The following KIAA1614 variants were observed in gnomAD, a reference collection of about 807,000 sequenced individuals.
KIAA1614 encodes uncharacterized protein KIAA1614.
In KIAA1614, 76 loss-of-function variants were observed where a neutral mutation model predicts 88.7. That is an observed-to-expected ratio of 0.86 (90% confidence interval 0.71 to 1.04). KIAA1614 has a LOEUF of 1.04. KIAA1614 is among the 50% of genes least tolerant of loss of function. The pLI is 0.00. For missense variants in KIAA1614, 1,553 were observed against 1,582.5 expected, an observed-to-expected ratio of 0.98 and a Z score of 0.32; for synonymous variants, 714 against 675.5, an observed-to-expected ratio of 1.06 and a Z score of -0.88.
At chr1:180,921,381 C>A (rs1653949712) in intron 3 of KIAA1614, among the ~76,000 whole-genome samples, 1 of 152,170 alleles carries the variant, frequency 6.6e-6, no homozygotes, top group African/African-American at 2.4e-5. Context: ...ACAGGGGATA[C>A]GATGGCTTAG....
Position 180,951,299 on chromosome 1 carries a change from C to T in KIAA1614, c.*5711C>T, listed in dbSNP as rs1357772449. ...GACCGGCCAGACCAGCCCCATGCCA[C>T]CCCGGCCGCTGCCTCTGCCCAGGTG... On this transcript the variant is annotated 3_prime_UTR_variant, in exon 9 of 9. Transcript: ENST00000367588. 1.3e-5 allele frequency: 2 copies of T among 152,370 alleles called. No individual in the cohort carries two copies. Among genetic ancestry groups the T allele is most frequent in the Admixed American group, 6.5e-5 (1 of 15,286 alleles). 9.4% of individuals were successfully genotyped at this position (152,370 alleles called of 1,614,324 possible).
chr1:180,931,971 G>T (rs1257625641), intron 4 of KIAA1614, among the ~76,000 whole-genome samples: 2 of 152,094 alleles, frequency 1.3e-5, no homozygotes, highest in East Asian at 1.9e-4. Flanking sequence ...TGTGCAGTGG[G>T]CTAGGCTGTT....
Position 180,948,909 on chromosome 1 carries a change from C to T in KIAA1614, c.*3321C>T, listed in dbSNP as rs767032799. The T allele has an allele frequency of 3.9e-5, 6 of 152,364 alleles. No individual in the cohort carries two copies. Among genetic ancestry groups the T allele is most frequent in the African/African-American group, 7.2e-5 (3 of 41,574 alleles). The allele number at this position is 152,364 out of a possible 1,614,324, so 9.4% of individuals were successfully genotyped here. A position where few individuals can be genotyped will look rare whatever the true frequency, so the allele number is the denominator to read the frequency against. On this transcript the variant is annotated 3_prime_UTR_variant, in exon 9 of 9. Coordinates refer to ENST00000367588, the MANE Select transcript of KIAA1614 (RefSeq NM_020950.2). The stretch of plus-strand genomic sequence containing the variant: ...CAGAGCCACAGACTTTCAGGTACTT[C>T]GGTGAAGATCAGTGCTCTTTCAAAC...
chr1:180,936,275 C>T lies in KIAA1614; in HGVS notation c.2366C>T (p.Ser789Phe). The T allele has an allele frequency of 6.2e-7, 1 of 1,614,190 alleles. No homozygotes were observed. The highest frequency in any genetic ancestry group is 8.5e-7 in the Non-Finnish European group (1 of 1,180,012). The change falls in exon 5 of 9, where the codon TCT becomes TTT. Residue 789 changes from serine to phenylalanine, a missense_variant. Physicochemically the swap from Ser to Phe is radical, Grantham distance 155. Transcript: ENST00000367588. Reference sequence around the variant, plus strand: ...CTGCAACAGAGCCATGCAGAGCCTTCTGCCCCACACCAAGCCTGGCAGCCA... The same window carrying T: ...CTGCAACAGAGCCATGCAGAGCCTTTTGCCCCACACCAAGCCTGGCAGCCA... ...SSLQQSHAEP[S>F]APHQAWQPTA...
At chr1:180,915,056 A>C (rs1380040106) in intron 1 of KIAA1614, among the ~76,000 whole-genome samples, 1 of 151,856 alleles carries the variant, frequency 6.6e-6, no homozygotes, top group African/African-American at 2.4e-5. Flanking sequence ...CACCCGCCTC[A>C]GCCTCCCAAA....
At position 180,930,592 on chromosome 1, in the gene KIAA1614, G is replaced by T. The variant is rs186965643; in HGVS notation, c.1205+2019G>T. Among the ~76,000 whole-genome samples the T allele has an allele frequency of 3.2e-3, 493 of 152,312 alleles. 2 individuals carry two copies. Among genetic ancestry groups the T allele is most frequent in the African/African-American group, 0.012 (479 of 41,564 alleles). On this transcript the variant is annotated intron_variant, in intron 4 of 8. Transcript: ENST00000367588. ...AATAGTCAAGACTATCTGCAAAACA[G>T]ATTGCATTGTGTAAAGGTCCTCTTG...
In KIAA1614 at chr1:180,941,126, A is replaced by G. The variant is rs201536429; in HGVS notation, c.3000A>G (p.Ile1000Met). ...LDQNKKRSSS[I>M]ASTLGLKKLF... ...AGAACAAGAAAAGGAGCAGCAGCAT[A>G]GCCTCCACCCTGGGGCTGAAAAAGC... is the stretch of plus-strand genomic sequence containing the variant. Residue 1000 changes from isoleucine (I) to methionine (M), a missense_variant, in exon 7 of 9, where the codon ATA becomes ATG. Physicochemically the swap from Ile to Met is conservative, Grantham distance 10. Transcript: ENST00000367588. 35 of 1,613,292 alleles carry G rather than the reference A, an allele frequency of 2.2e-5. No homozygotes were observed. The highest frequency in any genetic ancestry group is 2.9e-5 in the Non-Finnish European group (34 of 1,179,864).
rs1571296342 is a variant in KIAA1614 at position 180,935,394 on chromosome 1, C to T, written c.1485C>T (p.Ala495=). Residue 495 remains alanine, a synonymous_variant, in exon 5 of 9, where the codon GCC becomes GCT. Transcript: ENST00000367588. This position sits in a 1 kb window ranked among gnomAD's most constrained non-coding sequence, Gnocchi z 6.1. ...QGPLRSKPDL[A]DYINGAPRLR... Reference sequence around the variant, plus strand: ...CCCTGCGCTCCAAGCCCGACCTCGCCGACTACATCAACGGGGCTCCCCGGC... The same window carrying T: ...CCCTGCGCTCCAAGCCCGACCTCGCTGACTACATCAACGGGGCTCCCCGGC... The T allele has an allele frequency of 2.7e-6, 4 of 1,471,652 alleles. No individual in the cohort carries two copies. Among genetic ancestry groups the T allele is most frequent in the East Asian group, 2.4e-5 (1 of 41,366 alleles). The allele number at this position is 1,471,652 out of a possible 1,614,324, so 91.2% of individuals were successfully genotyped here. A position where few individuals can be genotyped will look rare whatever the true frequency, so the allele number is the denominator to read the frequency against.
intron 4 of KIAA1614, among the ~76,000 whole-genome samples, chr1:180,929,724 G>A (rs1399545111): frequency 6.6e-6 from 1 of 152,194 alleles, no homozygotes; most frequent in Non-Finnish European, 1.5e-5. Flanking sequence ...ATGCACCTGG[G>A]CCTGAGATGA....
At chr1:180,936,710 G>A in intron 5 of KIAA1614, 40 bp downstream of exon 5, 5 of 1,380,270 alleles carry the variant, frequency 3.6e-6, no homozygotes, top group South Asian at 1.5e-5. Context: ...CCCAGGCCTG[G>A]TGTGGTTCTA....
intron 3 of KIAA1614, among the ~76,000 whole-genome samples, chr1:180,926,220 A>C (rs1654064132): frequency 6.6e-6 from 1 of 152,144 alleles, no homozygotes; most frequent in African/African-American, 2.4e-5. Flanking sequence ...GATGGGACAG[A>C]CTCAGCACCC....
chr1:180,917,063 C>G lies in KIAA1614; in HGVS notation c.960C>G (p.Thr320=), dbSNP rs761221188. The G allele has an allele frequency of 2.7e-5, 44 of 1,613,430 alleles. No homozygotes were observed. In the South Asian group the frequency reaches 4.5e-4, roughly 17 times the overall value. The part of the protein sequence containing the change: ...VSGQSPRKVG[T]PAWTPSWDTA... ...GGCAGAGCCCCCGCAAGGTGGGAAC[C>G]CCTGCCTGGACTCCATCCTGGGACA... is the stretch of plus-strand genomic sequence containing the variant. The change falls in exon 2 of 9, where the codon ACC becomes ACG. Residue 320 remains threonine (T), a synonymous_variant. Coordinates refer to ENST00000367588, the MANE Select transcript of KIAA1614 (RefSeq NM_020950.2).
chr1:180,945,601 T>C lies in KIAA1614; in HGVS notation c.*13T>C. On this transcript the variant is annotated 3_prime_UTR_variant, in exon 9 of 9. Coordinates refer to ENST00000367588, the MANE Select transcript of KIAA1614 (RefSeq NM_020950.2). The stretch of plus-strand genomic sequence containing the variant: ...GGTCTTTGGCTGAGCCGTGCAGCTC[T>C]GGGAATTCAGAAAGCCTCTGACTAC... 1 of 1,589,102 alleles carries C rather than the reference T, an allele frequency of 6.3e-7. No individual in the cohort carries two copies. Among genetic ancestry groups the C allele is most frequent in the East Asian group, 2.2e-5 (1 of 44,560 alleles).
chr1:180,941,004 C>CA, intron 6 of KIAA1614, 41 bp from the exon 7 acceptor site: 3 of 915,352 alleles, frequency 3.3e-6, no homozygotes, highest in South Asian at 4.1e-5. Flanking sequence ...GCCACCCTCC[C>CA]GGCCCTCCCC....
chr1:180,944,514 C>A lies in KIAA1614; in HGVS notation c.3285C>A (p.Gly1095=). The change falls in exon 8 of 9, where the codon GGC becomes GGA. Residue 1095 remains glycine (G), a splice_region_variant and synonymous_variant. Transcript: ENST00000367588. ...VAGPGDHSAA[G]RPAKTSPRRA... Reference sequence around the variant, plus strand: ...GGCCAGGGGACCACAGTGCAGCTGGCAGGTATGAGGGGCACACATGGTTTG... The same window carrying A: ...GGCCAGGGGACCACAGTGCAGCTGGAAGGTATGAGGGGCACACATGGTTTG... 1 of 1,613,052 alleles carries A rather than the reference C, an allele frequency of 6.2e-7. No homozygotes were observed. The highest frequency in any genetic ancestry group is 1.7e-4 in the Middle Eastern group (1 of 6,058).
At chr1:180,927,912 A>G (rs1325884975) in intron 3 of KIAA1614, among the ~76,000 whole-genome samples, 1 of 152,194 alleles carries the variant, frequency 6.6e-6, no homozygotes, top group Non-Finnish European at 1.5e-5. Flanking sequence ...AAAGGGCCCA[A>G]TCTATGCTGG....
chr1:180,928,197 G>A (rs1033118059), intron 3 of KIAA1614: 3 of 439,162 alleles, frequency 6.8e-6, no homozygotes, highest in Admixed American at 4.2e-5. Flanking sequence ...GTCCAAGGCC[G>A]GGCCAGCTCC....
intron 4 of KIAA1614, among the ~76,000 whole-genome samples, chr1:180,929,328 A>G (rs918493420): frequency 2.0e-5 from 3 of 152,102 alleles, no homozygotes; most frequent in African/African-American, 7.2e-5. Flanking sequence ...GGCATCTGGA[A>G]TGAGCCCAGG....
rs529944671 is a variant in KIAA1614, at chr1:180,936,862, T to C, written c.2761+192T>C. On this transcript the variant is annotated intron_variant, in intron 5 of 8. Coordinates refer to ENST00000367588, the MANE Select transcript of KIAA1614 (RefSeq NM_020950.2). ...AGGTGTCAGGGGTGCTGGTGGAGGCTGGATGCAGGATTGACCGCCGGCCTG... is the reference window on the plus strand; with the variant it reads ...AGGTGTCAGGGGTGCTGGTGGAGGCCGGATGCAGGATTGACCGCCGGCCTG... Among the ~76,000 whole-genome samples the C allele has an allele frequency of 3.6e-3, 545 of 152,272 alleles. 5 individuals are homozygous for C. Among genetic ancestry groups the C allele is most frequent in the African/African-American group, 0.013 (522 of 41,562 alleles).
Sources: gnomAD v4.1 joint callset for allele counts (sites outside exome capture counted in the v4.1 genomes callset) on GRCh38, gnomAD v4.1.1 for gene constraint, Gnocchi (gnomAD v3.1) non-coding constraint, MANE v1.5 for transcripts, NCBI Gene and HGNC (gene_info 2026-07-23, HGNC 2026-07-21) for gene names.